The following ERO1A variants were observed in gnomAD, a reference collection of about 807,000 sequenced individuals.
The protein encoded by ERO1A is endoplasmic reticulum oxidoreductase 1 alpha.
ERO1A carries 49 observed loss-of-function variants against 76.9 expected under a neutral mutation model. The observed-to-expected ratio is 0.64, with a 90% CI of 0.51 to 0.81. ERO1A has a LOEUF of 0.81. Ranked by LOEUF, ERO1A falls within the 30% of genes least tolerant of loss-of-function variation. ERO1A has a pLI of 0.00. For missense variants in ERO1A, 448 were observed against 542.1 expected, an observed-to-expected ratio of 0.83 and a Z score of 1.72; for synonymous variants, 174 against 181.2, an observed-to-expected ratio of 0.96 and a Z score of 0.32.
chr14:52,652,421 C>T, intron 12 of ERO1A, 113 bp from the exon 13 acceptor site: 1 of 662,030 alleles, frequency 1.5e-6, no homozygotes, highest in South Asian at 2.0e-5. Context: ...ATAGTAAAAC[C>T]AACACTCCGA....
At chr14:52,675,312 G>A (rs572758039) in intron 4 of ERO1A, among the ~76,000 whole-genome samples, 10 of 152,034 alleles carry the variant, frequency 6.6e-5, no homozygotes, top group South Asian at 2.1e-4. Context: ...GAACCCGGGA[G>A]GCAGAGGTTG....
At chr14:52,689,549 G>C (rs1438860847) in intron 1 of ERO1A, among the ~76,000 whole-genome samples, 1 of 151,698 alleles carries the variant, frequency 6.6e-6, no homozygotes, top group Non-Finnish European at 1.5e-5. Context: ...GAATGAAAAA[G>C]AATAAACTAC....
Position 52,642,609 on chromosome 14 carries a change from G to A in ERO1A, c.*961C>T, listed in dbSNP as rs2039512885. ...TTTAAGGGGCATGATGCCTATAACTGACTTTCAAATGATTGAGGAAAAATT... is the reference window on the plus strand; with the variant it reads ...TTTAAGGGGCATGATGCCTATAACTAACTTTCAAATGATTGAGGAAAAATT... On this transcript the variant is annotated 3_prime_UTR_variant, in exon 16 of 16. Transcript: ENST00000395686. 6.6e-6 allele frequency: 1 copy of A among 152,272 alleles called. No homozygotes were observed. The highest frequency in any genetic ancestry group is 2.4e-5 in the African/African-American group (1 of 41,342). The allele number at this position is 152,272 out of a possible 1,614,324, so 9.4% of individuals were successfully genotyped here. A position where few individuals can be genotyped will look rare whatever the true frequency, so the allele number is the denominator to read the frequency against.
At chr14:52,653,917 A>G (rs1766523014) in intron 11 of ERO1A, among the ~76,000 whole-genome samples, 1 of 152,094 alleles carries the variant, frequency 6.6e-6, no homozygotes, top group South Asian at 2.1e-4. Flanking sequence ...TTAGCTATGC[A>G]CATATATTAC....
intron 1 of ERO1A, among the ~76,000 whole-genome samples, chr14:52,690,330 G>A (rs1418560014): frequency 2.0e-5 from 3 of 152,066 alleles, no homozygotes; most frequent in Admixed American, 1.3e-4. Flanking sequence ...AAATGAAAAG[G>A]CAACCTACAG....
chr14:52,656,956 G>A (rs1316132525), intron 11 of ERO1A, among the ~76,000 whole-genome samples: 1 of 152,096 alleles, frequency 6.6e-6, no homozygotes, highest in Non-Finnish European at 1.5e-5. Flanking sequence ...TCATGAGGTA[G>A]AAGGTAGGAC....
At chr14:52,683,970 T>TAA in intron 1 of ERO1A, 63 bp from the exon 2 acceptor site, 3 of 1,374,944 alleles carry the variant, frequency 2.2e-6, no homozygotes, top group Non-Finnish European at 3.0e-6. Flanking sequence ...TTCTTTTTCC[T>TAA]CACATGGTTG....
chr14:52,682,413 A>G lies in ERO1A; in HGVS notation c.235-5T>C. 6.3e-7 allele frequency: 1 copy of G among 1,583,200 alleles called. No individual in the cohort carries two copies. Among genetic ancestry groups the G allele is most frequent in the East Asian group, 2.2e-5 (1 of 44,636 alleles). On this transcript the variant is annotated splice_region_variant and splice_polypyrimidine_tract_variant and intron_variant, in intron 2 of 15. Transcript: ENST00000395686. ...ACACGGCCTCTTCAGGTTTACCTGT[A>G]AAATAATAATAGAAAAAAAATTATA...
chr14:52,643,576 A>G lies in ERO1A; in HGVS notation c.1401T>C (p.Ile467=). 6.8e-7 allele frequency: 1 copy of G among 1,479,460 alleles called. No individual in the cohort carries two copies. Among genetic ancestry groups the G allele is most frequent in the Middle Eastern group, 1.8e-4 (1 of 5,678 alleles). 91.6% of individuals were successfully genotyped at this position (1,479,460 alleles called of 1,614,324 possible). A position where few individuals can be genotyped will look rare whatever the true frequency, so the allele number is the denominator to read the frequency against. Residue 467 remains isoleucine, a synonymous_variant, in exon 16 of 16, where the codon ATT becomes ATC. Coordinates refer to ENST00000395686, the MANE Select transcript of ERO1A (RefSeq NM_014584.3). ...LENFRNLLQN[I]H is the part of the protein sequence containing the mutation. ...ACATATCAGCTTGTTTTCTTTAATGAATATTCTGTAACAAGTTCCTGAAGT... is the reference window on the plus strand; with the variant it reads ...ACATATCAGCTTGTTTTCTTTAATGGATATTCTGTAACAAGTTCCTGAAGT...
chr14:52,677,864 T>TA (rs71267893), intron 4 of ERO1A, among the ~76,000 whole-genome samples: 13,546 of 87,042 alleles, frequency 0.16, 1,410 homozygotes, highest in African/African-American at 0.23. Flanking sequence ...CCTTTTATCT[T>TA]AAAAAAAAAA....
chr14:52,683,279 G>A lies in ERO1A; in HGVS notation c.234+509C>T, dbSNP rs529748947. Among the ~76,000 whole-genome samples, 4 of 150,252 alleles carry A rather than the reference G, an allele frequency of 2.7e-5. No homozygotes were observed. In the East Asian group the frequency reaches 7.8e-4, roughly 29 times the overall value. On this transcript the variant is annotated intron_variant, in intron 2 of 15. Coordinates refer to ENST00000395686, the MANE Select transcript of ERO1A (RefSeq NM_014584.3). ...TGGCAACTAGGAGCCAAAGTAGCTC[G>A]ACTCACATTCTTTTCAAACAAGAAA...
intron 13 of ERO1A, chr14:52,647,236 G>A (rs1199615128): frequency 3.9e-5 from 5 of 129,496 alleles, no homozygotes; most frequent in Non-Finnish European, 7.8e-5. Flanking sequence ...TCCTGACCTC[G>A]TGATCCGCCC....
Position 52,642,769 on chromosome 14 carries a change from AGT to A in ERO1A, c.*799_*800del, listed in dbSNP as rs2039518404. 1.3e-5 allele frequency: 2 copies of A among 152,612 alleles called. No homozygotes were observed. Among genetic ancestry groups the A allele is most frequent in the Admixed American group, 1.3e-4 (2 of 15,284 alleles). The allele number at this position is 152,612 out of a possible 1,614,324, so 9.5% of individuals were successfully genotyped here. Reference sequence around the variant, plus strand: ...AATTGGAAATTATATAAAAATAAAAAGTGTTCCCCAAATTTTATTTAGTATTA... The same window carrying A: ...AATTGGAAATTATATAAAAATAAAAAGTTCCCCAAATTTTATTTAGTATTA... On this transcript the variant is annotated 3_prime_UTR_variant, in exon 16 of 16. Transcript: ENST00000395686.
chr14:52,658,399 G>A (rs746524632), intron 9 of ERO1A: 3 of 384,488 alleles, frequency 7.8e-6, no homozygotes, highest in Non-Finnish European at 1.4e-5. Context: ...GTCTCATAAC[G>A]TTCTGGTTAA....
At position 52,678,414 on chromosome 14, in the gene ERO1A, C is replaced by T. The variant is rs75133313; in HGVS notation, c.357+20G>A. 1,095 of 1,606,690 alleles carry T rather than the reference C, an allele frequency of 6.8e-4. 16 individuals carry two copies. In the East Asian group the frequency reaches 0.018, roughly 26 times the overall value. On this transcript the variant is annotated intron_variant, in intron 4 of 15. Coordinates refer to ENST00000395686, the MANE Select transcript of ERO1A (RefSeq NM_014584.3). ...TTTTTCATTAAGATACTGGACACAT[C>T]AATAGGTATACGTACACACCTTGTA...
At chr14:52,671,192 A>C (rs1015414724) in intron 6 of ERO1A, among the ~76,000 whole-genome samples, 1 of 152,226 alleles carries the variant, frequency 6.6e-6, no homozygotes, top group Admixed American at 6.5e-5. Context: ...TTTCTGGCTG[A>C]ATAGTATTCC....
At chr14:52,675,720 G>C (rs1419395363) in intron 4 of ERO1A, among the ~76,000 whole-genome samples, 1 of 151,842 alleles carries the variant, frequency 6.6e-6, no homozygotes, top group Admixed American at 6.6e-5. Context: ...CTGTAGCCTC[G>C]ACCTCCCAGA....
rs372839966 is a variant in ERO1A at position 52,683,772 on chromosome 14, T to C, written c.234+16A>G. 2.5e-6 allele frequency: 3 copies of C among 1,213,548 alleles called. No individual in the cohort carries two copies. The highest frequency in any genetic ancestry group is 3.4e-6 in the Non-Finnish European group (3 of 885,644). 75.2% of individuals were successfully genotyped at this position (1,213,548 alleles called of 1,614,324 possible). A position where few individuals can be genotyped will look rare whatever the true frequency, so the allele number is the denominator to read the frequency against. ...ATTTAAAGTATTCATATATAAAAAA[T>C]TAAAATTAAAAATACCTTGTAATAC... On this transcript the variant is annotated intron_variant, in intron 2 of 15. Coordinates refer to ENST00000395686, the MANE Select transcript of ERO1A (RefSeq NM_014584.3).
rs1001109543 is a variant in ERO1A, at chr14:52,695,308, G to C, written c.114+60C>G. ...CAGCCGCTCACCCGCCAGGGCGTGC[G>C]GGACAGTGCACGCCGCGGAGGGCGC... is the stretch of plus-strand genomic sequence containing the variant. On this transcript the variant is annotated intron_variant, in intron 1 of 15. Transcript: ENST00000395686. 3 of 1,161,878 alleles carry C rather than the reference G, an allele frequency of 2.6e-6. No homozygotes were observed. The African/African-American group carries it at 4.8e-5, about 19-fold the overall frequency. The allele number at this position is 1,161,878 out of a possible 1,614,324, so 72.0% of individuals were successfully genotyped here.
Sources: allele counts gnomAD v4.1 joint callset (sites outside exome capture counted in the v4.1 genomes callset), GRCh38; gene constraint gnomAD v4.1.1; transcripts MANE v1.5; gene names NCBI Gene and HGNC (gene_info 2026-07-23, HGNC 2026-07-21).